Variants in PSG3 observed in about 807,000 individuals in gnomAD.
PSG3 encodes pregnancy specific beta-1-glycoprotein 3.
Under a neutral mutation model 47.5 loss-of-function variants are expected in PSG3, and 61 were observed. The ratio of observed to expected loss-of-function variants is 1.28; its 90% CI spans 1.05 to 1.59. The LOEUF is 1.59. PSG3 is among the 40% of genes most tolerant of loss of function. The pLI, the probability that PSG3 is intolerant of heterozygous loss-of-function variation, is 0.00. For synonymous variants in PSG3, 263 were observed against 198.4 expected, an observed-to-expected ratio of 1.33 and a Z score of -2.74; for missense variants, 756 against 524.0, an observed-to-expected ratio of 1.44 and a Z score of -4.32.
Position 42,734,618 on chromosome 19 carries a change from C to G in PSG3, c.431-1556G>C, listed in dbSNP as rs148027328. Among the ~76,000 whole-genome samples the G allele has an allele frequency of 7.2e-5, 11 of 152,144 alleles. No homozygotes were observed. The East Asian group carries it at 2.1e-3, about 29-fold the overall frequency. On this transcript the variant is annotated intron_variant, in intron 2 of 6. Coordinates refer to ENST00000327495, the MANE Select transcript of PSG3 (RefSeq NM_021016.4). Reference sequence around the variant, plus strand: ...CTGGTAGTAGTATTTCTCTTGAGACCAAAATAAGGTTTAGGTGTGCCGTGA... The same window carrying G: ...CTGGTAGTAGTATTTCTCTTGAGACGAAAATAAGGTTTAGGTGTGCCGTGA...
intron 1 of PSG3, among the ~76,000 whole-genome samples, chr19:42,739,942 C>CT (rs1342733817): frequency 6.6e-6 from 1 of 151,288 alleles, no homozygotes. Flanking sequence ...TCCTTTTTTT[C>CT]TTTTTTCTTT....
chr19:42,726,718 G>A (rs1045567514), intron 5 of PSG3, among the ~76,000 whole-genome samples: 4 of 152,096 alleles, frequency 2.6e-5, no homozygotes, highest in South Asian at 2.1e-4. Flanking sequence ...GCTACCTGAC[G>A]TGAGCTGCAG....
intron 3 of PSG3, among the ~76,000 whole-genome samples, chr19:42,731,036 C>T (rs900480688): frequency 6.6e-6 from 1 of 152,172 alleles, no homozygotes; most frequent in Non-Finnish European, 1.5e-5. Flanking sequence ...TTCGACTACT[C>T]TAGGGACCTC....
intron 2 of PSG3, 56 bp from the exon 3 acceptor site, chr19:42,733,118 G>A: frequency 1.3e-6 from 2 of 1,573,958 alleles, no homozygotes; most frequent in Non-Finnish European, 1.7e-6. Context: ...TTCCTCCAAA[G>A]GCATTTTTCA....
chr19:42,732,509 T>C lies in PSG3; in HGVS notation c.709+275A>G. 8.1e-6 allele frequency: 6 copies of C among 741,872 alleles called. No homozygotes were observed. In the South Asian group the frequency reaches 9.8e-5, roughly 12 times the overall value. 46.0% of individuals were successfully genotyped at this position (741,872 alleles called of 1,614,324 possible). ...ACTGAAGTCCCAGCCAAATCCCTGC[T>C]GTGTTCACTGATCTGGAGCCTGAGA... On this transcript the variant is annotated intron_variant, in intron 3 of 6. Coordinates refer to ENST00000327495, the MANE Select transcript of PSG3 (RefSeq NM_021016.4).
At position 42,723,289 on chromosome 19, in the gene PSG3, A is replaced by C. The variant is rs992343150; in HGVS notation, c.*40+653T>G. ...AAGGGTGTGGTTAAGTCTGCAGTGC[A>C]GATGGTAGAGGGGATTTCACTCTGT... On this transcript the variant is annotated intron_variant, in intron 6 of 6. Transcript: ENST00000327495. Among the ~76,000 whole-genome samples, 12 of 152,332 alleles carry C rather than the reference A, an allele frequency of 7.9e-5. No individual in the cohort carries two copies. In the South Asian group the frequency reaches 1.0e-3, roughly 13 times the overall value.
chr19:42,729,716 G>A, intron 4 of PSG3, 62 bp downstream of exon 4: 9 of 1,577,498 alleles, frequency 5.7e-6, no homozygotes, highest in Non-Finnish European at 6.9e-6. Flanking sequence ...TGAGAGGCCT[G>A]GCCTCTGGTC....
In PSG3 at chr19:42,732,499, A is replaced by G. The variant is rs372094565; in HGVS notation, c.709+285T>C. 64 of 697,958 alleles carry G rather than the reference A, an allele frequency of 9.2e-5. 1 individual carries two copies. Among genetic ancestry groups the G allele is most frequent in the Admixed American group, 4.0e-4 (13 of 32,322 alleles). The allele number at this position is 697,958 out of a possible 1,614,324, so 43.2% of individuals were successfully genotyped here. A position where few individuals can be genotyped will look rare whatever the true frequency, so the allele number is the denominator to read the frequency against. On this transcript the variant is annotated intron_variant, in intron 3 of 6. Coordinates refer to ENST00000327495, the MANE Select transcript of PSG3 (RefSeq NM_021016.4). ...AAGTTGCAACACTGAAGTCCCAGCC[A>G]AATCCCTGCTGTGTTCACTGATCTG... is the stretch of plus-strand genomic sequence containing the variant.
chr19:42,737,976 C>A lies in PSG3; in HGVS notation c.430+748G>T, dbSNP rs141250528. On this transcript the variant is annotated intron_variant, in intron 2 of 6. Transcript: ENST00000327495. ...TTAATTTGCTTCCATGAGAAAGCACCTTTATGTCAGATGCCTGTGGACAAG... is the reference window on the plus strand; with the variant it reads ...TTAATTTGCTTCCATGAGAAAGCACATTTATGTCAGATGCCTGTGGACAAG... Among the ~76,000 whole-genome samples, 4 of 152,316 alleles carry A rather than the reference C, an allele frequency of 2.6e-5. No homozygotes were observed. The East Asian group carries it at 7.7e-4, about 29-fold the overall frequency.
At position 42,732,407 on chromosome 19, in the gene PSG3, T is replaced by C. The variant is rs2353151; in HGVS notation, c.709+377A>G. The C allele has an allele frequency of 9.4e-5, 36 of 384,728 alleles. 1 individual carries two copies. The highest frequency in any genetic ancestry group is 3.4e-4 in the African/African-American group (17 of 49,354). The allele number at this position is 384,728 out of a possible 1,614,324, so 23.8% of individuals were successfully genotyped here. On this transcript the variant is annotated intron_variant, in intron 3 of 6. Coordinates refer to ENST00000327495, the MANE Select transcript of PSG3 (RefSeq NM_021016.4). ...ATGTGGAGCAAAGAGAATAATGTCA[T>C]AGGTGGTATTGTCAGAGGGAAGGGA...
intron 3 of PSG3, among the ~76,000 whole-genome samples, chr19:42,731,469 C>T (rs1568750476): frequency 6.6e-6 from 1 of 152,128 alleles, no homozygotes. Context: ...CGGTGAATTC[C>T]ATACTGGCCA....
rs772565218 is a variant in PSG3, at chr19:42,723,937, C to A, written c.*40+5G>T. 1 of 1,569,164 alleles carries A rather than the reference C, an allele frequency of 6.4e-7. No homozygotes were observed. Among genetic ancestry groups the A allele is most frequent in the South Asian group, 1.1e-5 (1 of 90,128 alleles). ...GAACCAGGATAAGAGGAAAGGTCAT[C>A]ATACCTGCCAGTCTTCCTGAAATAC... On this transcript the variant is annotated splice_donor_5th_base_variant and intron_variant, in intron 6 of 6. Coordinates refer to ENST00000327495, the MANE Select transcript of PSG3 (RefSeq NM_021016.4).
intron 5 of PSG3, among the ~76,000 whole-genome samples, chr19:42,727,039 T>G (rs1013166373): frequency 6.6e-5 from 10 of 152,206 alleles, no homozygotes; most frequent in African/African-American, 1.7e-4. Flanking sequence ...AAGGGACCGT[T>G]TTCTCACCAA....
At chr19:42,737,568 G>C (rs185684185) in intron 2 of PSG3, among the ~76,000 whole-genome samples, 10 of 152,266 alleles carry the variant, frequency 6.6e-5, no homozygotes, top group Admixed American at 6.5e-4. Flanking sequence ...GGTTGAGGTA[G>C]GTGATTTAGT....
At position 42,732,952 on chromosome 19, in the gene PSG3, A is replaced by G. The variant is rs766158331; in HGVS notation, c.541T>C (p.Trp181Arg). 4 of 1,614,102 alleles carry G rather than the reference A, an allele frequency of 2.5e-6. No individual in the cohort carries two copies. In the South Asian group the frequency reaches 4.4e-5, roughly 18 times the overall value. Residue 181 changes from tryptophan (W) to arginine (R), a missense_variant, in exon 3 of 7, where the codon TGG (tryptophan) becomes CGG (arginine). Physicochemically the swap from Trp to Arg is moderately radical, Grantham distance 101 (BLOSUM62 -3). Coordinates refer to ENST00000327495, the MANE Select transcript of PSG3 (RefSeq NM_021016.4). ...ATAGGGAGGCTCTGACCATTCATCCACCACAGGTAGCTTGCGTCCGGAGTC... is the reference window on the plus strand; with the variant it reads ...ATAGGGAGGCTCTGACCATTCATCCGCCACAGGTAGCTTGCGTCCGGAGTC... ...PETPDASYLW[W>R]MNGQSLPMTH...
chr19:42,732,725 C>T, intron 3 of PSG3, 59 bp downstream of exon 3: 1 of 1,614,120 alleles, frequency 6.2e-7, no homozygotes, highest in Non-Finnish European at 8.5e-7. Flanking sequence ...GAGGCCTGGC[C>T]TCTGGCCACG....
intron 1 of PSG3, 60 bp downstream of exon 1, chr19:42,740,261 G>T (rs1889185387): frequency 9.3e-6 from 15 of 1,613,532 alleles, no homozygotes; most frequent in African/African-American, 2.7e-5. Flanking sequence ...CTCTCCAGGA[G>T]ACCCCATCCA....
intron 3 of PSG3, among the ~76,000 whole-genome samples, chr19:42,731,124 G>A (rs1438188737): frequency 6.6e-6 from 1 of 152,234 alleles, no homozygotes; most frequent in Non-Finnish European, 1.5e-5. Flanking sequence ...ATCAGAAGTT[G>A]TTCATGGGTG....
At chr19:42,736,736 T>C (rs1051042500) in intron 2 of PSG3, among the ~76,000 whole-genome samples, 1 of 151,798 alleles carries the variant, frequency 6.6e-6, no homozygotes, top group African/African-American at 2.4e-5. Context: ...CATGGTCTTG[T>C]CCACAGGTCA....
Sources: gnomAD v4.1 joint callset for allele counts (sites outside exome capture counted in the v4.1 genomes callset) on GRCh38, gnomAD v4.1.1 for gene constraint, MANE v1.5 for transcripts, NCBI Gene and HGNC (gene_info 2026-07-23, HGNC 2026-07-21) for gene names.